ZMIZ1: variants seen among roughly 807,000 people sequenced by gnomAD.
ZMIZ1 encodes zinc finger MIZ-type containing 1.
A neutral mutation model predicts 113.9 loss-of-function variants in ZMIZ1; 17 were observed. That is an observed-to-expected ratio of 0.15 (90% CI 0.10 to 0.22). The LOEUF is 0.22. ZMIZ1 is among the 10% of genes least tolerant of loss of function. The pLI is 1.00. For synonymous variants in ZMIZ1, 607 were observed against 603.1 expected, an observed-to-expected ratio of 1.01 and a Z score of -0.09; for missense variants, 1,059 against 1,477.8, an observed-to-expected ratio of 0.72 and a Z score of 4.65.
chr10:79,298,424 G>C lies in ZMIZ1; in HGVS notation c.1510G>C (p.Val504Leu). Reference sequence around the variant, plus strand: ...CCTCCAGCCTCCCAGGCCGGTTCCTGTGGCAAATTACCCCCACTCACCTGT... The same window carrying C: ...CCTCCAGCCTCCCAGGCCGGTTCCTCTGGCAAATTACCCCCACTCACCTGT... ...NVNRPPRPVPVANYPHSPVPG... is the reference protein window; with the variant it reads ...NVNRPPRPVPLANYPHSPVPG... Residue 504 changes from valine (V) to leucine (L), a missense_variant, in exon 15 of 25, where the codon GTG (valine) becomes CTG (leucine). By Grantham distance (32) the Val-to-Leu change is conservative. This residue lies in a region of ZMIZ1 where 239 missense variants were observed against 247.5 expected (regional missense o/e 0.97). Coordinates refer to ENST00000334512, the MANE Select transcript of ZMIZ1 (RefSeq NM_020338.4). The C allele has an allele frequency of 7.5e-6, 12 of 1,609,140 alleles. No homozygotes were observed. Among genetic ancestry groups the C allele is most frequent in the Non-Finnish European group, 1.0e-5 (12 of 1,177,760 alleles).
At chr10:79,256,452 G>C (rs1250534) in intron 7 of ZMIZ1, among the ~76,000 whole-genome samples, 16,768 of 152,142 alleles carry the variant, frequency 0.11, 1,442 homozygotes, top group African/African-American at 0.24. Flanking sequence ...TGCAGCTGCA[G>C]TGTGTGCCCT....
intron 3 of ZMIZ1, among the ~76,000 whole-genome samples, chr10:79,154,413 CCAGGTGGTTGGCACCAAGCAGAGTGGG>C (rs1342008631): frequency 6.6e-6 from 1 of 152,118 alleles, no homozygotes; most frequent in African/African-American, 2.4e-5. Flanking sequence ...AAGCATAGGG[CCAGGTGGTTGGCACCAAGCAGAGTGGG>C]CAGAGGCAAG....
chr10:79,293,598 G>C lies in ZMIZ1; in HGVS notation c.1175G>C (p.Gly392Ala). The C allele has an allele frequency of 1.2e-6, 2 of 1,613,108 alleles. No homozygotes were observed. Among genetic ancestry groups the C allele is most frequent in the Non-Finnish European group, 1.7e-6 (2 of 1,180,016 alleles). Residue 392 changes from glycine to alanine, a missense_variant, in exon 12 of 25, where the codon GGC becomes GCC. Around this residue, in one of 6 missense-constraint regions of ZMIZ1, gnomAD observed 239 missense variants for 247.5 expected, o/e 0.97. Coordinates refer to ENST00000334512, the MANE Select transcript of ZMIZ1 (RefSeq NM_020338.4). Reference sequence around the variant, plus strand: ...CGGATGCCCCAGCAGACCTACCCGGGCCCCCGGCCCCAGTCCCTTCCTATT... The same window carrying C: ...CGGATGCCCCAGCAGACCTACCCGGCCCCCCGGCCCCAGTCCCTTCCTATT... ...GQRMPQQTYP[G>A]PRPQSLPIQN...
chr10:79,175,753 G>A (rs1034317381), intron 4 of ZMIZ1, among the ~76,000 whole-genome samples: 1 of 151,918 alleles, frequency 6.6e-6, no homozygotes, highest in East Asian at 1.9e-4. Context: ...GGGCCAGCCA[G>A]CAGGAAGGCA....
At chr10:79,087,394 G>T (rs1023745789) in intron 1 of ZMIZ1, among the ~76,000 whole-genome samples, 1 of 152,072 alleles carries the variant, frequency 6.6e-6, no homozygotes, top group South Asian at 2.1e-4. Context: ...GCTGTACCCC[G>T]TGACATTGGG....
intron 11 of ZMIZ1, 67 bp downstream of exon 11, chr10:79,292,423 A>T: frequency 6.4e-7 from 1 of 1,563,774 alleles, no homozygotes. Flanking sequence ...CTGGGAAACC[A>T]GAGTTGGGAT....
At chr10:79,096,568 G>A (rs929354468) in intron 1 of ZMIZ1, among the ~76,000 whole-genome samples, 1 of 151,574 alleles carries the variant, frequency 6.6e-6, no homozygotes, top group Admixed American at 6.6e-5. Flanking sequence ...CCTCCAGCAC[G>A]TGGAGGTGAG....
intron 7 of ZMIZ1, among the ~76,000 whole-genome samples, chr10:79,274,484 C>T (rs969903120): frequency 2.6e-5 from 4 of 152,250 alleles, no homozygotes; most frequent in South Asian, 4.1e-4. Flanking sequence ...CCTCCTGGTT[C>T]TCTCGACAGT....
intron 2 of ZMIZ1, among the ~76,000 whole-genome samples, chr10:79,126,639 G>C (rs1372545988): frequency 3.9e-5 from 6 of 152,238 alleles, no homozygotes; most frequent in Non-Finnish European, 8.8e-5. Flanking sequence ...CGGGGGGTTG[G>C]AGACGGCAGA....
At chr10:79,252,569 G>C (rs1185563683) in intron 7 of ZMIZ1, among the ~76,000 whole-genome samples, 1 of 152,196 alleles carries the variant, frequency 6.6e-6, no homozygotes, top group Non-Finnish European at 1.5e-5. Context: ...CTGAAGCCTT[G>C]CTTTCACCCT....
intron 1 of ZMIZ1, among the ~76,000 whole-genome samples, chr10:79,111,758 G>T (rs1843751668): frequency 6.6e-6 from 1 of 152,184 alleles, no homozygotes; most frequent in South Asian, 2.1e-4. Context: ...CTTACACTTG[G>T]CTGAGAACGT....
chr10:79,219,959 G>A (rs1848894971), intron 7 of ZMIZ1, among the ~76,000 whole-genome samples: 1 of 152,138 alleles, frequency 6.6e-6, no homozygotes, highest in Non-Finnish European at 1.5e-5. Context: ...AAAGGAAAGG[G>A]GGCCAGTCTG....
intron 7 of ZMIZ1, among the ~76,000 whole-genome samples, chr10:79,251,151 G>A (rs779875940): frequency 2.7e-4 from 41 of 152,206 alleles, no homozygotes; most frequent in African/African-American, 7.9e-4. Flanking sequence ...TGTTAGGAGC[G>A]AGAGGCCCTC....
intron 3 of ZMIZ1, among the ~76,000 whole-genome samples, chr10:79,156,985 A>G (rs1170099424): frequency 6.6e-6 from 1 of 152,208 alleles, no homozygotes; most frequent in Non-Finnish European, 1.5e-5. Context: ...GCGAAAAGAA[A>G]CACCAGCATG....
At chr10:79,292,406 G>C in intron 11 of ZMIZ1, 50 bp downstream of exon 11, 2 of 1,577,844 alleles carry the variant, frequency 1.3e-6, no homozygotes, top group Non-Finnish European at 1.7e-6. Flanking sequence ...CAGCCAGGCA[G>C]ACAGCCCTGG....
At chr10:79,206,237 A>T (rs1424405888) in intron 5 of ZMIZ1, among the ~76,000 whole-genome samples, 1 of 152,190 alleles carries the variant, frequency 6.6e-6, no homozygotes, top group Non-Finnish European at 1.5e-5. Flanking sequence ...AAGGCTGGGC[A>T]CTCGGGTGCC....
chr10:79,268,226 T>C (rs1851720580), intron 7 of ZMIZ1, among the ~76,000 whole-genome samples: 1 of 152,228 alleles, frequency 6.6e-6, no homozygotes, highest in Non-Finnish European at 1.5e-5. Flanking sequence ...GTATGAACTG[T>C]TGCTGCTGTG....
At chr10:79,290,630 G>A (rs564012684) in intron 9 of ZMIZ1, 90 of 505,016 alleles carry the variant, frequency 1.8e-4, no homozygotes, top group Non-Finnish European at 2.5e-4. Flanking sequence ...CTCTCCCCAC[G>A]GGTACCTGGT....
At chr10:79,105,058 A>G (rs779372607) in intron 1 of ZMIZ1, among the ~76,000 whole-genome samples, 1 of 152,076 alleles carries the variant, frequency 6.6e-6, no homozygotes, top group African/African-American at 2.4e-5. Flanking sequence ...GCTAGATCCA[A>G]TTGCCACCAA....
Sources: gnomAD v4.1 joint callset for allele counts (sites outside exome capture counted in the v4.1 genomes callset) on GRCh38, gnomAD v4.1.1 for gene constraint, gnomAD v4.1.1 regional missense constraint, MANE v1.5 for transcripts, NCBI Gene and HGNC (gene_info 2026-07-23, HGNC 2026-07-21) for gene names.